Variants in WARS2 observed in about 807,000 individuals in gnomAD.
WARS2 encodes the protein tryptophan--tRNA ligase, mitochondrial.
In WARS2, 28 loss-of-function variants were observed where a neutral mutation model predicts 36.5. The ratio of observed to expected loss-of-function variants is 0.77; its 90% CI spans 0.57 to 1.05. The LOEUF (loss-of-function observed/expected upper bound fraction) is 1.05. WARS2 is among the 50% of genes least tolerant of loss of function. WARS2 has a pLI of 0.00. For synonymous variants in WARS2, 174 were observed against 178.4 expected (o/e 0.98, Z 0.20); for missense variants, 435 against 456.8 (o/e 0.95, Z 0.44).
chr1:119,051,725 A>G (rs1270813104), intron 2 of WARS2, among the ~76,000 whole-genome samples: 1 of 149,436 alleles, frequency 6.7e-6, no homozygotes, highest in Non-Finnish European at 1.5e-5. Flanking sequence ...TTTTAACAAT[A>G]GCCATTCAGA....
chr1:119,057,504 G>C (rs1649927373), intron 2 of WARS2, among the ~76,000 whole-genome samples: 1 of 151,680 alleles, frequency 6.6e-6, no homozygotes, highest in Admixed American at 6.6e-5. Flanking sequence ...TAAAATATTA[G>C]CATGGCCGAG....
At chr1:119,062,388 C>G (rs1049770131) in intron 2 of WARS2, among the ~76,000 whole-genome samples, 1 of 151,816 alleles carries the variant, frequency 6.6e-6, no homozygotes, top group African/African-American at 2.4e-5. Context: ...TGGAGATGAG[C>G]AATTAAAACA....
intron 1 of WARS2, among the ~76,000 whole-genome samples, chr1:119,117,429 GC>G (rs1655045224): frequency 6.6e-6 from 1 of 152,114 alleles, no homozygotes; most frequent in Non-Finnish European, 1.5e-5. Flanking sequence ...ACTCATCCTG[GC>G]CAATGTAGGG....
intron 2 of WARS2, among the ~76,000 whole-genome samples, chr1:119,057,928 T>A (rs1489783313): frequency 6.6e-6 from 1 of 152,228 alleles, no homozygotes; most frequent in East Asian, 1.9e-4. Flanking sequence ...ATTTTCTTAA[T>A]GGTGTTTTTG....
intron 1 of WARS2, among the ~76,000 whole-genome samples, chr1:119,117,607 C>T (rs1000773015): frequency 2.6e-5 from 4 of 152,228 alleles, no homozygotes; most frequent in African/African-American, 7.2e-5. Context: ...CACGTGACAA[C>T]TTCACTGTGA....
chr1:119,109,916 C>T (rs1654514914), intron 1 of WARS2, among the ~76,000 whole-genome samples: 1 of 151,550 alleles, frequency 6.6e-6, no homozygotes. Context: ...TATTTTTCTA[C>T]ATGATTGCCC....
At chr1:119,136,561 T>C (rs899444788) in intron 1 of WARS2, among the ~76,000 whole-genome samples, 1 of 152,172 alleles carries the variant, frequency 6.6e-6, no homozygotes, top group African/African-American at 2.4e-5. Flanking sequence ...ACTGGCAGAG[T>C]AATCAACTAG....
At chr1:119,130,931 A>G (rs754497103) in intron 1 of WARS2, among the ~76,000 whole-genome samples, 3 of 152,188 alleles carry the variant, frequency 2.0e-5, no homozygotes, top group Non-Finnish European at 4.4e-5. Flanking sequence ...CCTGTTGAGT[A>G]GCAGCTTATG....
At chr1:119,046,747 G>A (rs1648886438) in intron 2 of WARS2, among the ~76,000 whole-genome samples, 1 of 150,770 alleles carries the variant, frequency 6.6e-6, no homozygotes, top group South Asian at 2.1e-4. Flanking sequence ...TTTACTCTGG[G>A]GATTACAAGC....
chr1:119,045,753 GA>G, intron 2 of WARS2, 91 bp from the exon 3 acceptor site: 1 of 1,009,142 alleles, frequency 9.9e-7, no homozygotes, highest in Non-Finnish European at 1.5e-6. Flanking sequence ...CTAAATGTCT[GA>G]AAATACCCCA....
At chr1:119,036,519 C>A (rs551813220) in intron 4 of WARS2, among the ~76,000 whole-genome samples, 1 of 152,240 alleles carries the variant, frequency 6.6e-6, no homozygotes, top group East Asian at 1.9e-4. Context: ...CGCCCCCAAG[C>A]CAAATTAGCC....
intron 1 of WARS2, among the ~76,000 whole-genome samples, chr1:119,123,401 G>A (rs943086965): frequency 2.0e-4 from 30 of 152,160 alleles, no homozygotes; most frequent in African/African-American, 7.0e-4. Context: ...AACTCCCTTT[G>A]CTCTGATTCC....
chr1:119,138,711 C>T (rs967542905), intron 1 of WARS2, among the ~76,000 whole-genome samples: 1 of 152,106 alleles, frequency 6.6e-6, no homozygotes, highest in African/African-American at 2.4e-5. Context: ...TTCAAACCAT[C>T]ATTTTCAATG....
intron 1 of WARS2, among the ~76,000 whole-genome samples, chr1:119,123,487 A>G (rs1655457663): frequency 6.6e-6 from 1 of 152,232 alleles, no homozygotes; most frequent in Admixed American, 6.5e-5. Flanking sequence ...TATGTTAATC[A>G]GTGAAGAAAA....
chr1:119,042,290 G>T lies in WARS2; in HGVS notation c.489C>A (p.Leu163=). ...TGTACAACAGAATGTCGGCTGCCTG[G>T]AGTACTGGGTATGTGAGCAGGCCCA... ...GTVGLLTYPV[L]QAADILLYKS... is the part of the protein sequence containing the mutation. Residue 163 remains leucine (L), a synonymous_variant, in exon 4 of 6, where the codon CTC becomes CTA. Coordinates refer to ENST00000235521, the MANE Select transcript of WARS2 (RefSeq NM_015836.4). The T allele has an allele frequency of 7.4e-6, 12 of 1,613,928 alleles. No individual in the cohort carries two copies. Among genetic ancestry groups the T allele is most frequent in the Non-Finnish European group, 1.0e-5 (12 of 1,179,930 alleles).
At chr1:119,138,749 TA>T (rs1413932661) in intron 1 of WARS2, among the ~76,000 whole-genome samples, 1 of 152,142 alleles carries the variant, frequency 6.6e-6, no homozygotes, top group African/African-American at 2.4e-5. Flanking sequence ...ATTTATACTT[TA>T]AAAAAATACT....
chr1:119,121,242 AC>A (rs969514543), intron 1 of WARS2, among the ~76,000 whole-genome samples: 21 of 152,146 alleles, frequency 1.4e-4, no homozygotes, highest in Non-Finnish European at 3.1e-4. Context: ...ACTGCTATAC[AC>A]CAATAGCAAT....
chr1:119,126,124 G>T (rs1407083907), intron 1 of WARS2, among the ~76,000 whole-genome samples: 2 of 151,934 alleles, frequency 1.3e-5, no homozygotes, highest in African/African-American at 4.8e-5. Context: ...CTGGCCCCAT[G>T]GTCATCACTT....
At chr1:119,109,243 G>C (rs587689588) in intron 1 of WARS2, among the ~76,000 whole-genome samples, 62 of 152,008 alleles carry the variant, frequency 4.1e-4, no homozygotes, top group African/African-American at 1.4e-3. Flanking sequence ...GATTTATGGA[G>C]TGTTGAGTTC....
Sources: gnomAD v4.1 joint callset for allele counts (sites outside exome capture counted in the v4.1 genomes callset) on GRCh38, gnomAD v4.1.1 for gene constraint, MANE v1.5 for transcripts, NCBI Gene and HGNC (gene_info 2026-07-23, HGNC 2026-07-21) for gene names.